MMP26: variants seen among roughly 807,000 people sequenced by gnomAD.
The protein encoded by MMP26 is matrix metalloproteinase-26.
MMP26 carries 33 observed loss-of-function variants against 31.0 expected under a neutral mutation model. The observed-to-expected ratio is 1.06, with a 90% CI of 0.81 to 1.42. The LOEUF (loss-of-function observed/expected upper bound fraction) is 1.42, where lower values mean the gene tolerates loss of function less well. MMP26 is among the 40% of genes most tolerant of loss of function. The pLI is 0.00. For missense variants in MMP26, 347 were observed against 316.1 expected (o/e 1.10, Z -0.74); for synonymous variants, 122 against 114.9 (o/e 1.06, Z -0.40).
In MMP26 at chr11:4,949,539, A is replaced by G. The variant is rs1407949187; in HGVS notation, c.-144-38529A>G. On this transcript the variant is annotated intron_variant, in intron 2 of 7. Transcript: ENST00000380390. The stretch of plus-strand genomic sequence containing the variant: ...ATAATAGTGAAGGGGGGCAAATCAT[A>G]CAGATGAGATACAGCTAAAGCAGTT... Among the ~76,000 whole-genome samples, 6 of 123,278 alleles carry G rather than the reference A, an allele frequency of 4.9e-5. 1 individual carries two copies. The highest frequency in any genetic ancestry group is 1.6e-4 in the African/African-American group (6 of 36,544). The allele number at this position is 123,278 out of a possible 152,430, so 80.9% of individuals were successfully genotyped here. A position where few individuals can be genotyped will look rare whatever the true frequency, so the allele number is the denominator to read the frequency against.
At chr11:4,817,317 T>C (rs1490064708) in intron 2 of MMP26, among the ~76,000 whole-genome samples, 1 of 152,102 alleles carries the variant, frequency 6.6e-6, no homozygotes, top group Non-Finnish European at 1.5e-5. Flanking sequence ...GGCATGGTGA[T>C]TTATGCCTGT....
At chr11:4,919,917 C>G (rs1394008249) in intron 2 of MMP26, among the ~76,000 whole-genome samples, 1 of 152,092 alleles carries the variant, frequency 6.6e-6, no homozygotes, top group African/African-American at 2.4e-5. Context: ...ACTCAGAACT[C>G]AGTCCTTTGT....
At chr11:4,731,083 T>G (rs868636499) in intron 1 of MMP26, among the ~76,000 whole-genome samples, 1 of 152,148 alleles carries the variant, frequency 6.6e-6, no homozygotes, top group Non-Finnish European at 1.5e-5. Flanking sequence ...TAGCTGGGAT[T>G]ACAGGCGTGC....
intron 2 of MMP26, among the ~76,000 whole-genome samples, chr11:4,888,952 C>G (rs939835751): frequency 6.6e-6 from 1 of 152,126 alleles, no homozygotes; most frequent in Non-Finnish European, 1.5e-5. Flanking sequence ...CTTGGTATTC[C>G]TTGTCTGCAA....
intron 2 of MMP26, among the ~76,000 whole-genome samples, chr11:4,843,088 C>G (rs920284879): frequency 6.6e-6 from 1 of 152,212 alleles, no homozygotes; most frequent in Non-Finnish European, 1.5e-5. Flanking sequence ...GCACCTGTGC[C>G]CCTGTGGCTA....
intron 2 of MMP26, among the ~76,000 whole-genome samples, chr11:4,886,393 G>T (rs1202473449): frequency 1.3e-5 from 2 of 152,064 alleles, no homozygotes; most frequent in Non-Finnish European, 2.9e-5. Context: ...AGAAGAGGAA[G>T]TAATAAATTC....
At chr11:4,750,433 G>A (rs1014094447) in intron 1 of MMP26, among the ~76,000 whole-genome samples, 6 of 151,890 alleles carry the variant, frequency 4.0e-5, no homozygotes, top group African/African-American at 1.5e-4. Flanking sequence ...GTTTCCCAAG[G>A]GAACATAAAT....
At chr11:4,930,253 T>C (rs1359401469) in intron 2 of MMP26, among the ~76,000 whole-genome samples, 1 of 152,106 alleles carries the variant, frequency 6.6e-6, no homozygotes, top group Admixed American at 6.6e-5. Context: ...TTTGGTGTAA[T>C]AGACGTAAAG....
At chr11:4,747,830 A>G (rs544634711) in intron 1 of MMP26, among the ~76,000 whole-genome samples, 2 of 152,222 alleles carry the variant, frequency 1.3e-5, no homozygotes, top group African/African-American at 4.8e-5. Flanking sequence ...ATAGCATTAA[A>G]TGCCTGCATC....
At chr11:4,854,313 C>G (rs1280974335) in intron 2 of MMP26, among the ~76,000 whole-genome samples, 2 of 152,186 alleles carry the variant, frequency 1.3e-5, no homozygotes, top group South Asian at 4.1e-4. Context: ...CCTTTCCTAG[C>G]CAAGGGAAGC....
chr11:4,928,622 A>G (rs955359265), intron 2 of MMP26, among the ~76,000 whole-genome samples: 1 of 152,148 alleles, frequency 6.6e-6, no homozygotes, highest in African/African-American at 2.4e-5. Context: ...TTTCCCAACC[A>G]GTTTTAGATC....
intron 2 of MMP26, among the ~76,000 whole-genome samples, chr11:4,833,712 T>C (rs560086755): frequency 3.9e-5 from 6 of 152,100 alleles, no homozygotes; most frequent in Non-Finnish European, 7.3e-5. Context: ...TTTTCTTGGG[T>C]GATGTGAAAG....
At chr11:4,711,293 C>T (rs1286101169) in intron 1 of MMP26, 1 of 152,112 alleles carries the variant, frequency 6.6e-6, no homozygotes, top group Non-Finnish European at 1.5e-5. Context: ...GGTTAGTATA[C>T]AAAGTACTTA....
At chr11:4,879,430 A>C (rs750546154) in intron 2 of MMP26, among the ~76,000 whole-genome samples, 3 of 152,138 alleles carry the variant, frequency 2.0e-5, no homozygotes, top group Non-Finnish European at 4.4e-5. Flanking sequence ...ATATGAGTGG[A>C]AACAGTTGAC....
At chr11:4,787,461 G>A (rs1347048436) in intron 2 of MMP26, 1 of 152,228 alleles carries the variant, frequency 6.6e-6, no homozygotes, top group Non-Finnish European at 1.5e-5. Flanking sequence ...CAGAGGGACG[G>A]AGGAAGGCCT....
rs543632332 is a variant in MMP26, at chr11:4,964,160, G to A, written c.-144-23908G>A. On this transcript the variant is annotated intron_variant, in intron 2 of 7. Transcript: ENST00000380390. ...TTTGGTTTTGTTGCAATTGCTTTTC[G>A]TATCTTTGTCATGAAATCTTTGCCC... Among the ~76,000 whole-genome samples, 6 of 152,108 alleles carry A rather than the reference G, an allele frequency of 3.9e-5. No individual in the cohort carries two copies. The South Asian group carries it at 6.2e-4, about 16-fold the overall frequency.
At chr11:4,831,262 A>G (rs1301743522) in intron 2 of MMP26, among the ~76,000 whole-genome samples, 2 of 152,118 alleles carry the variant, frequency 1.3e-5, no homozygotes, top group African/African-American at 4.8e-5. Flanking sequence ...TCTTGCTGCC[A>G]CTGGCCATCT....
At chr11:4,736,177 A>G (rs566294887) in intron 1 of MMP26, 1 of 152,300 alleles carries the variant, frequency 6.6e-6, no homozygotes, top group African/African-American at 2.4e-5. Context: ...TCCTTGGGAA[A>G]AAGGATTTTT....
At chr11:4,872,216 T>G (rs1285061777) in intron 2 of MMP26, among the ~76,000 whole-genome samples, 1 of 152,088 alleles carries the variant, frequency 6.6e-6, no homozygotes, top group East Asian at 1.9e-4. Flanking sequence ...GACTAAAATA[T>G]TTTTAAAATG....
Sources: allele counts gnomAD v4.1 joint callset (sites outside exome capture counted in the v4.1 genomes callset), GRCh38; gene constraint gnomAD v4.1.1; transcripts MANE v1.5; gene names NCBI Gene and HGNC (gene_info 2026-07-23, HGNC 2026-07-21).